Variants in CLEC4D observed in about 807,000 individuals in gnomAD.
The protein encoded by CLEC4D is C-type (calcium dependent, carbohydrate-recognition domain) lectin, superfamily member 8.
In CLEC4D, 21 loss-of-function variants were observed where a neutral mutation model predicts 21.1. The ratio of observed to expected loss-of-function variants is 1.00; its 90% CI spans 0.71 to 1.43. CLEC4D has a LOEUF of 1.43. CLEC4D is among the 40% of genes most tolerant of loss of function. CLEC4D has a pLI of 0.00. For synonymous variants in CLEC4D, 85 were observed against 83.1 expected, an observed-to-expected ratio of 1.02 and a Z score of -0.12; for missense variants, 289 against 260.7, an observed-to-expected ratio of 1.11 and a Z score of -0.75.
intron 3 of CLEC4D, 116 bp downstream of exon 3, chr12:8,518,390 C>A: frequency 1.7e-6 from 1 of 591,664 alleles, no homozygotes; most frequent in Non-Finnish European, 3.1e-6. Flanking sequence ...AGATGAGAAT[C>A]TGGCATCGGA....
At chr12:8,527,530 T>G in the CLEC4D span, among the ~76,000 whole-genome samples, 1 of 152,216 alleles carries the variant, frequency 6.6e-6, no homozygotes, top group Non-Finnish European at 1.5e-5. Context: ...GACCAAGCTC[T>G]CCAGCCTCCC....
intron 4 of CLEC4D, 76 bp from the exon 5 acceptor site, chr12:8,520,150 C>T: frequency 1.9e-6 from 3 of 1,558,774 alleles, no homozygotes; most frequent in Non-Finnish European, 2.6e-6. Context: ...ATCTAGTTGA[C>T]ATATTTCCTC....
In CLEC4D at chr12:8,521,321, A is replaced by C. The variant is rs763480573; in HGVS notation, c.*50A>C. On this transcript the variant is annotated 3_prime_UTR_variant, in exon 6 of 6. Coordinates refer to ENST00000299665, the MANE Select transcript of CLEC4D (RefSeq NM_080387.5). ...TGGAAAGAGAAAAGAAAAACCAATT[A>C]GAATAAGGCAGAATGTACGTGCGTC... is the stretch of plus-strand genomic sequence containing the variant. 1 of 1,569,784 alleles carries C rather than the reference A, an allele frequency of 6.4e-7. No individual in the cohort carries two copies. Among genetic ancestry groups the C allele is most frequent in the Non-Finnish European group, 8.6e-7 (1 of 1,162,314 alleles).
In CLEC4D at chr12:8,521,173, G is replaced by A; in HGVS notation, c.550G>A (p.Val184Ile). The A allele has an allele frequency of 6.2e-7, 1 of 1,613,550 alleles. No homozygotes were observed. The highest frequency in any genetic ancestry group is 8.5e-7 in the Non-Finnish European group (1 of 1,179,648). The change falls in exon 6 of 6, where the codon GTT becomes ATT. Residue 184 changes from valine (V) to isoleucine (I), a missense_variant. By Grantham distance (29) the Val-to-Ile change is conservative (BLOSUM62 3). Transcript: ENST00000299665. ...CAACTCTCAGGGAGAAAACTGTGTT[G>A]TTCTTGTTTATAACCAAGATAAATG... ...PDNSQGENCVVLVYNQDKWAW... is the reference protein window; with the variant it reads ...PDNSQGENCVILVYNQDKWAW...
downstream of CLEC4D, among the ~76,000 whole-genome samples, chr12:8,522,780 G>A (rs1215915409): frequency 6.6e-6 from 1 of 152,182 alleles, no homozygotes; most frequent in South Asian, 2.1e-4. Flanking sequence ...CCATGCCTGT[G>A]TCCTGAATGG....
chr12:8,520,463 G>C (rs965452238), intron 5 of CLEC4D, 122 bp downstream of exon 5: 1 of 1,404,798 alleles, frequency 7.1e-7, no homozygotes, highest in African/African-American at 1.4e-5. Flanking sequence ...ACTGTAGGTT[G>C]AGTAATCTCC....
intron 3 of CLEC4D, among the ~76,000 whole-genome samples, 198 bp from the exon 4 acceptor site, chr12:8,518,811 T>C (rs1438096122): frequency 1.3e-5 from 2 of 152,244 alleles, no homozygotes; most frequent in African/African-American, 4.8e-5. Flanking sequence ...AGTCATTATG[T>C]GGTGTCCAGT....
downstream of CLEC4D, among the ~76,000 whole-genome samples, chr12:8,525,717 G>C (rs991324840): frequency 1.3e-5 from 2 of 152,100 alleles, no homozygotes; most frequent in African/African-American, 4.8e-5. Flanking sequence ...GTGTGAATTT[G>C]ATCCCATCAT....
intron 1 of CLEC4D, 74 bp downstream of exon 1, chr12:8,513,834 G>A: frequency 1.3e-6 from 1 of 786,712 alleles, no homozygotes; most frequent in Middle Eastern, 2.4e-4. Context: ...TGAATTGATG[G>A]TAGTTTTAAA....
the CLEC4D span, among the ~76,000 whole-genome samples, chr12:8,531,230 A>G: frequency 6.6e-6 from 1 of 152,084 alleles, no homozygotes; most frequent in Non-Finnish European, 1.5e-5. Context: ...TCTGGGATCT[A>G]ACTCTCTGAG....
At chr12:8,528,923 CAT>C in the CLEC4D span, among the ~76,000 whole-genome samples, 4 of 151,656 alleles carry the variant, frequency 2.6e-5, no homozygotes, top group East Asian at 3.9e-4. Flanking sequence ...ATATACTAAA[CAT>C]ATATAGATAT....
At chr12:8,517,882 C>G (rs1462321515) in intron 2 of CLEC4D, among the ~76,000 whole-genome samples, 2 of 152,054 alleles carry the variant, frequency 1.3e-5, no homozygotes, top group African/African-American at 4.8e-5. Context: ...GGAGGCGGAG[C>G]TTGCAGTGAG....
At chr12:8,517,761 A>G (rs1489039180) in intron 2 of CLEC4D, among the ~76,000 whole-genome samples, 2 of 151,986 alleles carry the variant, frequency 1.3e-5, no homozygotes, top group South Asian at 2.1e-4. Context: ...CCTGGCTAAC[A>G]AGGTGAAACC....
Position 8,519,147 on chromosome 12 carries a change from C to T in CLEC4D, c.371C>T (p.Thr124Met), listed in dbSNP as rs751647619. ...GGGGCCCATCTGATGACCATCAGCA[C>T]GGAAGCTGAGCAGGTGTGTTGGGAG... ...GMGAHLMTIS[T>M]EAEQNFIIQF... Residue 124 changes from threonine to methionine, a missense_variant, in exon 4 of 6, where the codon ACG becomes ATG. By Grantham distance (81) the Thr-to-Met change is moderately conservative. Transcript: ENST00000299665. 13 of 1,613,754 alleles carry T rather than the reference C, an allele frequency of 8.1e-6. 1 individual carries two copies. Among genetic ancestry groups the T allele is most frequent in the Admixed American group, 3.3e-5 (2 of 59,948 alleles).
At chr12:8,517,948 A>C (rs1472007394) in intron 2 of CLEC4D, among the ~76,000 whole-genome samples, 2 of 151,652 alleles carry the variant, frequency 1.3e-5, no homozygotes, top group Non-Finnish European at 2.9e-5. Flanking sequence ...TCCGTCTCAG[A>C]AAAAAAAAGG....
chr12:8,519,471 A>G (rs1282329172), intron 4 of CLEC4D, among the ~76,000 whole-genome samples: 2 of 152,122 alleles, frequency 1.3e-5, no homozygotes, highest in East Asian at 3.8e-4. Flanking sequence ...TCACTCCACT[A>G]TAATTGTCTG....
At chr12:8,519,265 C>G in intron 4 of CLEC4D, 105 bp downstream of exon 4, 1 of 1,408,634 alleles carries the variant, frequency 7.1e-7, no homozygotes, top group Non-Finnish European at 9.3e-7. Flanking sequence ...TCATCTGCTC[C>G]ATCTGCCTGG....
At chr12:8,518,889 T>C in intron 3 of CLEC4D, 120 bp from the exon 4 acceptor site, 1 of 1,419,402 alleles carries the variant, frequency 7.0e-7, no homozygotes, top group Non-Finnish European at 9.2e-7. Flanking sequence ...AGAATAATTT[T>C]GGTGATCTTG....
intron 2 of CLEC4D, among the ~76,000 whole-genome samples, chr12:8,515,891 A>C (rs1940373852): frequency 6.6e-6 from 1 of 152,150 alleles, no homozygotes; most frequent in Non-Finnish European, 1.5e-5. Context: ...AATAATTATA[A>C]TTAAAGTAAT....
Sources: allele counts gnomAD v4.1 joint callset (sites outside exome capture counted in the v4.1 genomes callset), GRCh38; gene constraint gnomAD v4.1.1; transcripts MANE v1.5; gene names NCBI Gene and HGNC (gene_info 2026-07-23, HGNC 2026-07-21).